ANTXR1: variants seen among roughly 807,000 people sequenced by gnomAD.
ANTXR1 encodes the protein ANTXR cell adhesion molecule 1, also known as anthrax toxin receptor 1.
A neutral mutation model predicts 78.1 loss-of-function variants in ANTXR1; 19 were observed. The observed-to-expected ratio is 0.24, with a 90% CI of 0.17 to 0.36. The LOEUF (loss-of-function observed/expected upper bound fraction) is 0.36. Ranked by LOEUF, ANTXR1 falls within the 10% of genes least tolerant of loss-of-function variation. The probability of loss-of-function intolerance (pLI) is 1.00; values close to 1 mark genes in which losing one functional copy is unlikely to be tolerated. For synonymous variants in ANTXR1, 273 were observed against 260.5 expected, an observed-to-expected ratio of 1.05 and a Z score of -0.46; for missense variants, 518 against 718.6, an observed-to-expected ratio of 0.72 and a Z score of 3.19.
rs149699810 is a variant in ANTXR1, at chr2:69,180,762, T to C, written c.1090-1024T>C. On this transcript the variant is annotated intron_variant, in intron 14 of 17. Transcript: ENST00000303714. ...ACGTTCTAGTGTGGAGAGACAGATA[T>C]TAAGTAAATATCAAGCCATGATGAG... 3.7e-3 allele frequency among the ~76,000 whole-genome samples: 558 copies of C among 152,284 alleles called. 2 individuals are homozygous for C. The highest frequency in any genetic ancestry group is 0.013 in the African/African-American group (529 of 41,552).
Position 69,124,595 on chromosome 2 carries a change from T to C in ANTXR1, c.903T>C (p.Asp301=), listed in dbSNP as rs2104380300. Residue 301 remains aspartate, a synonymous_variant, in exon 12 of 18, where the codon GAT becomes GAC. Transcript: ENST00000303714. ...MKAALQVSMN[D]GLSFISSSVI... is the part of the protein sequence containing the mutation. The stretch of plus-strand genomic sequence containing the variant: ...CTGCACTCCAGGTCAGCATGAACGA[T>C]GGCCTCTCTTTTATCTCCAGTTCTG... The C allele has an allele frequency of 1.2e-6, 2 of 1,614,250 alleles. No homozygotes were observed. Among genetic ancestry groups the C allele is most frequent in the East Asian group, 2.2e-5 (1 of 44,888 alleles).
chr2:69,156,557 T>C (rs1372926761), intron 13 of ANTXR1, among the ~76,000 whole-genome samples: 1 of 152,228 alleles, frequency 6.6e-6, no homozygotes, highest in Non-Finnish European at 1.5e-5. Context: ...CTCACAGTTC[T>C]GCAGGCTGTA....
chr2:69,095,531 C>T (rs781098996), intron 9 of ANTXR1, among the ~76,000 whole-genome samples: 9 of 152,216 alleles, frequency 5.9e-5, no homozygotes, highest in Non-Finnish European at 1.3e-4. Flanking sequence ...GAGATACTCA[C>T]AAGAGCATCT....
chr2:69,022,093 C>T (rs1671206584), intron 1 of ANTXR1, among the ~76,000 whole-genome samples: 1 of 152,192 alleles, frequency 6.6e-6, no homozygotes, highest in African/African-American at 2.4e-5. Flanking sequence ...AGATAAAACT[C>T]TCTTTTTCCA....
At chr2:69,117,473 G>C (rs1021511756) in intron 10 of ANTXR1, among the ~76,000 whole-genome samples, 5 of 152,156 alleles carry the variant, frequency 3.3e-5, no homozygotes, top group African/African-American at 1.2e-4. Context: ...TGTGTGTATA[G>C]ATATGCATAT....
intron 3 of ANTXR1, among the ~76,000 whole-genome samples, chr2:69,068,995 G>T (rs1278185237): frequency 6.6e-6 from 1 of 152,182 alleles, no homozygotes; most frequent in African/African-American, 2.4e-5. Flanking sequence ...TGGGCATGTG[G>T]TCTGATACAC....
At position 69,055,679 on chromosome 2, in the gene ANTXR1, CCATAA is replaced by C. The variant is rs138274579; in HGVS notation, c.296+10872_296+10876del. On this transcript the variant is annotated intron_variant, in intron 3 of 17. Transcript: ENST00000303714. ...AATGTGCATGCATGTGTATTCTATT[CCATAA>C]CATAATTCCATTATATGTGATGTTA... is the stretch of plus-strand genomic sequence containing the variant. Among the ~76,000 whole-genome samples the C allele has an allele frequency of 8.8e-3, 1,339 of 152,200 alleles. 19 individuals carry two copies. The highest frequency in any genetic ancestry group is 0.03 in the African/African-American group (1,262 of 41,524).
intron 12 of ANTXR1, among the ~76,000 whole-genome samples, chr2:69,139,044 C>T (rs1672997728): frequency 1.3e-5 from 2 of 152,222 alleles, no homozygotes; most frequent in Non-Finnish European, 2.9e-5. Flanking sequence ...TTAGCTCCTA[C>T]CTACTGGCCT....
At chr2:69,166,149 G>A (rs910701284) in intron 13 of ANTXR1, among the ~76,000 whole-genome samples, 1 of 152,110 alleles carries the variant, frequency 6.6e-6, no homozygotes, top group Admixed American at 6.5e-5. Flanking sequence ...CATAAAAACT[G>A]GAATTTGTTT....
intron 10 of ANTXR1, 106 bp downstream of exon 10, chr2:69,103,046 G>A (rs1034294874): frequency 8.4e-7 from 1 of 1,194,338 alleles, no homozygotes. Context: ...CAGCAGAAAA[G>A]AGTCTTATTT....
intron 10 of ANTXR1, among the ~76,000 whole-genome samples, chr2:69,114,291 A>G (rs1672072797): frequency 6.6e-6 from 1 of 152,232 alleles, no homozygotes; most frequent in African/African-American, 2.4e-5. Context: ...AACAACACAT[A>G]TGGGTAGATA....
In ANTXR1 at chr2:69,207,252, C is replaced by A. The variant is rs1417582893; in HGVS notation, c.1434+13837C>A. Among the ~76,000 whole-genome samples, 6 of 152,204 alleles carry A rather than the reference C, an allele frequency of 3.9e-5. No homozygotes were observed. The South Asian group carries it at 1.2e-3, about 32-fold the overall frequency. On this transcript the variant is annotated intron_variant, in intron 17 of 17. Transcript: ENST00000303714. ...AAAGAATTCTCTTGCTCTCTCAAGC[C>A]TATTCTGTTAATAACATGTTTAGTT...
intron 15 of ANTXR1, 47 bp downstream of exon 15, chr2:69,181,928 C>A: frequency 6.3e-7 from 1 of 1,590,114 alleles, no homozygotes; most frequent in South Asian, 1.1e-5. Flanking sequence ...TGACTACTCC[C>A]ATCGAGGTAC....
chr2:69,166,402 G>C (rs1673829085), intron 13 of ANTXR1, among the ~76,000 whole-genome samples: 1 of 152,114 alleles, frequency 6.6e-6, no homozygotes, highest in South Asian at 2.1e-4. Flanking sequence ...GAATTCAGGA[G>C]TTCCATATTC....
intron 3 of ANTXR1, among the ~76,000 whole-genome samples, chr2:69,055,976 T>C (rs1351280439): frequency 6.6e-6 from 1 of 152,226 alleles, no homozygotes; most frequent in Non-Finnish European, 1.5e-5. Flanking sequence ...CATATGGAGT[T>C]GTTATGAGAC....
At chr2:69,105,804 A>C (rs1671789571) in intron 10 of ANTXR1, among the ~76,000 whole-genome samples, 1 of 152,252 alleles carries the variant, frequency 6.6e-6, no homozygotes, top group South Asian at 2.1e-4. Flanking sequence ...AGAGAACATA[A>C]GTGCCATTAT....
At chr2:69,197,180 A>G (rs188872739) in intron 17 of ANTXR1, among the ~76,000 whole-genome samples, 2 of 152,226 alleles carry the variant, frequency 1.3e-5, no homozygotes, top group Non-Finnish European at 2.9e-5. Flanking sequence ...TTAAAAGGGA[A>G]AGTGCCAAAG....
In ANTXR1 at chr2:69,247,973, A is replaced by AGT. The variant is rs928959440; in HGVS notation, c.*2493_*2494dup. The AGT allele has an allele frequency of 6.4e-6, 1 of 156,336 alleles. No homozygotes were observed. Among genetic ancestry groups the AGT allele is most frequent in the African/African-American group, 2.4e-5 (1 of 41,466 alleles). The allele number at this position is 156,336 out of a possible 1,614,324, so 9.7% of individuals were successfully genotyped here. A position where few individuals can be genotyped will look rare whatever the true frequency, so the allele number is the denominator to read the frequency against. Reference sequence around the variant, plus strand: ...GCAGGATTTGTTCTTAAACCGACTCAGTGTGTCATCCCCGGTTATTTAGAA... The same window carrying AGT: ...GCAGGATTTGTTCTTAAACCGACTCAGTGTGTGTCATCCCCGGTTATTTAGAA... On this transcript the variant is annotated 3_prime_UTR_variant, in exon 18 of 18. Coordinates refer to ENST00000303714, the MANE Select transcript of ANTXR1 (RefSeq NM_032208.3).
chr2:69,036,513 A>C (rs1218117837), intron 1 of ANTXR1, among the ~76,000 whole-genome samples: 1 of 152,168 alleles, frequency 6.6e-6, no homozygotes, highest in Non-Finnish European at 1.5e-5. Flanking sequence ...CCATCTTCCC[A>C]GTATAAATTC....
Sources: gnomAD v4.1 joint callset for allele counts (sites outside exome capture counted in the v4.1 genomes callset) on GRCh38, gnomAD v4.1.1 for gene constraint, MANE v1.5 for transcripts, NCBI Gene and HGNC (gene_info 2026-07-23, HGNC 2026-07-21) for gene names.